Variants in MPHOSPH9 observed in about 807,000 individuals in gnomAD.
The protein encoded by MPHOSPH9 is M-phase phosphoprotein 9.
In MPHOSPH9, 88 loss-of-function variants were observed where a neutral mutation model predicts 145.5. That is an observed-to-expected ratio of 0.60 (90% CI 0.51 to 0.72). The LOEUF (loss-of-function observed/expected upper bound fraction) is 0.72. Among genes scored for constraint, MPHOSPH9 ranks in the 30% least tolerant of loss-of-function variants. The pLI is 0.00. For synonymous variants in MPHOSPH9, 435 were observed against 486.2 expected (o/e 0.89, Z 1.39); for missense variants, 1,238 against 1,386.6 (o/e 0.89, Z 1.70).
intron 16 of MPHOSPH9, among the ~76,000 whole-genome samples, chr12:123,172,337 C>CT (rs564906823): frequency 1.8e-3 from 266 of 145,994 alleles, no homozygotes; most frequent in African/African-American, 4.8e-3. Context: ...AATTTTCTTT[C>CT]TTTTTTTTTT....
At chr12:123,195,747 G>A (rs2045918864) in intron 12 of MPHOSPH9, among the ~76,000 whole-genome samples, 2 of 151,960 alleles carry the variant, frequency 1.3e-5, no homozygotes, top group African/African-American at 2.4e-5. Context: ...AAGCTTAGGA[G>A]GAGAGGAACT....
intron 22 of MPHOSPH9, 116 bp downstream of exon 22, chr12:123,161,020 T>TG: frequency 7.2e-7 from 1 of 1,386,156 alleles, no homozygotes; most frequent in Non-Finnish European, 9.8e-7. Flanking sequence ...AGCACAGCTC[T>TG]GGTATGTTAT....
At chr12:123,214,031 T>C (rs1183181034) in intron 7 of MPHOSPH9, among the ~76,000 whole-genome samples, 3 of 151,996 alleles carry the variant, frequency 2.0e-5, no homozygotes, top group African/African-American at 4.8e-5. Flanking sequence ...TCCTGATGAA[T>C]TGGATGTGGG....
chr12:123,179,735 AGAG>A (rs1239484551), intron 15 of MPHOSPH9, among the ~76,000 whole-genome samples, 188 bp downstream of exon 15: 5 of 114,906 alleles, frequency 4.4e-5, no homozygotes, highest in East Asian at 2.8e-4. Flanking sequence ...AAAAAAAAAA[AGAG>A]AGAGAGAGAG....
chr12:123,235,734 T>C (rs1039744799), upstream of MPHOSPH9, among the ~76,000 whole-genome samples: 11 of 151,746 alleles, frequency 7.2e-5, no homozygotes, highest in Non-Finnish European at 1.2e-4. Flanking sequence ...TTCTACTCTT[T>C]CCCCCTTCTC....
At chr12:123,208,934 CTGT>C (rs746456699) in intron 8 of MPHOSPH9, among the ~76,000 whole-genome samples, 154 of 152,052 alleles carry the variant, frequency 1.0e-3, no homozygotes, top group Admixed American at 2.8e-3. Flanking sequence ...CCACTTTTTT[CTGT>C]TGTTGTTTTT....
downstream of MPHOSPH9, chr12:123,152,964 C>G (rs895226925): frequency 4.4e-5 from 7 of 158,512 alleles, no homozygotes; most frequent in African/African-American, 1.7e-4. Flanking sequence ...ACAAAAGTGT[C>G]TAATTTTACT....
chr12:123,165,273 C>T, intron 18 of MPHOSPH9, 29 bp downstream of exon 18: 2 of 1,540,482 alleles, frequency 1.3e-6, no homozygotes, highest in Non-Finnish European at 1.8e-6. Context: ...ATATCTATAT[C>T]CATCTATCTC....
At chr12:123,228,684 C>CA (rs905738597) in intron 2 of MPHOSPH9, among the ~76,000 whole-genome samples, 53 of 142,584 alleles carry the variant, frequency 3.7e-4, no homozygotes, top group African/African-American at 9.0e-4. Flanking sequence ...AAGACTCCGT[C>CA]AAAAAAAAAA....
At chr12:123,216,895 A>G (rs2046986165) in intron 6 of MPHOSPH9, among the ~76,000 whole-genome samples, 1 of 151,848 alleles carries the variant, frequency 6.6e-6, no homozygotes, top group Non-Finnish European at 1.5e-5. Context: ...AGGCCGAGGC[A>G]GGAGAATCGC....
chr12:123,168,889 GT>G (rs1052892589), intron 16 of MPHOSPH9, among the ~76,000 whole-genome samples: 42 of 141,014 alleles, frequency 3.0e-4, no homozygotes, highest in Middle Eastern at 3.8e-3. Context: ...CTTTCCCTCA[GT>G]TTTTTTTTTT....
intron 1 of MPHOSPH9, among the ~76,000 whole-genome samples, chr12:123,239,638 A>G (rs2047900210): frequency 1.3e-5 from 2 of 152,010 alleles, no homozygotes; most frequent in African/African-American, 2.4e-5. Context: ...TCCTGACCTC[A>G]TGATCTGCCC....
rs542748087 is a variant in MPHOSPH9 at position 123,212,711 on chromosome 12, C to CAA, written c.1087+2031_1087+2032dup. Among the ~76,000 whole-genome samples, 17 of 46,492 alleles carry CAA rather than the reference C, an allele frequency of 3.7e-4. No individual in the cohort carries two copies. The South Asian group carries it at 8.0e-3, about 22-fold the overall frequency. The allele number at this position is 46,492 out of a possible 152,430, so 30.5% of individuals were successfully genotyped here. Reference sequence around the variant, plus strand: ...GGGCAACAAGAGCAAAACTCTGTCTCAAAAAAAAAAAAAAAAAAAAGGACA... The same window carrying CAA: ...GGGCAACAAGAGCAAAACTCTGTCTCAAAAAAAAAAAAAAAAAAAAAAGGACA... On this transcript the variant is annotated intron_variant, in intron 7 of 23. Transcript: ENST00000606320.
intron 7 of MPHOSPH9, among the ~76,000 whole-genome samples, chr12:123,212,897 T>C (rs1246216492): frequency 6.7e-6 from 1 of 149,902 alleles, no homozygotes; most frequent in Non-Finnish European, 1.5e-5. Context: ...TCTGGCTCTG[T>C]TGCCCAGGCT....
chr12:123,179,733 AAAG>A (rs1303676603), intron 15 of MPHOSPH9, among the ~76,000 whole-genome samples, 190 bp downstream of exon 15: 1 of 151,718 alleles, frequency 6.6e-6, no homozygotes, highest in Non-Finnish European at 1.5e-5. Flanking sequence ...AAAAAAAAAA[AAAG>A]AGAGAGAGAG....
Position 123,198,237 on chromosome 12 carries a change from G to A in MPHOSPH9, c.2025+10C>T. On this transcript the variant is annotated intron_variant, in intron 12 of 23. Transcript: ENST00000606320. Reference sequence around the variant, plus strand: ...CTCACCAGAACACCCACCAAAAAAAGAGTACTTACCACTTCAATTTCCAGT... The same window carrying A: ...CTCACCAGAACACCCACCAAAAAAAAAGTACTTACCACTTCAATTTCCAGT... 1 of 1,595,462 alleles carries A rather than the reference G, an allele frequency of 6.3e-7. No individual in the cohort carries two copies. The highest frequency in any genetic ancestry group is 8.6e-7 in the Non-Finnish European group (1 of 1,167,058).
intron 4 of MPHOSPH9, among the ~76,000 whole-genome samples, chr12:123,222,820 C>T (rs565911519): frequency 6.6e-6 from 1 of 152,162 alleles, no homozygotes; most frequent in South Asian, 2.1e-4. Context: ...CCTGTAATCT[C>T]AGCTACTCGG....
chr12:123,233,610 G>C (rs573570941), upstream of MPHOSPH9: 9 of 152,378 alleles, frequency 5.9e-5, no homozygotes, highest in Admixed American at 2.0e-4. Flanking sequence ...ACTGCGAGCC[G>C]GGACGCCTGG....
chr12:123,188,198 G>A (rs1250025283), intron 13 of MPHOSPH9, among the ~76,000 whole-genome samples: 3 of 152,044 alleles, frequency 2.0e-5, no homozygotes, highest in African/African-American at 7.2e-5. Context: ...GATGCAATAC[G>A]TATAACCATT....
Sources: allele counts gnomAD v4.1 joint callset (sites outside exome capture counted in the v4.1 genomes callset), GRCh38; gene constraint gnomAD v4.1.1; transcripts MANE v1.5; gene names NCBI Gene and HGNC (gene_info 2026-07-23, HGNC 2026-07-21).